PACRGL: variants seen among roughly 807,000 people sequenced by gnomAD.
PACRGL encodes parkin coregulated like, also known as PACRG-like protein.
In PACRGL, 38 loss-of-function variants were observed where a neutral mutation model predicts 34.5. That is an observed-to-expected ratio of 1.10 (90% CI 0.85 to 1.44). PACRGL has a LOEUF of 1.44. Among genes scored for constraint, PACRGL ranks in the 40% most tolerant of loss-of-function variants. PACRGL has a pLI of 0.00. For missense variants in PACRGL, 305 were observed against 281.4 expected (o/e 1.08, Z -0.60); for synonymous variants, 128 against 100.1 (o/e 1.28, Z -1.66).
rs1737946321 is a variant in PACRGL, at chr4:20,712,814, C to T, written c.393C>T (p.Tyr131=). 6.3e-7 allele frequency: 1 copy of T among 1,590,430 alleles called. No individual in the cohort carries two copies. The highest frequency in any genetic ancestry group is 1.2e-5 in the South Asian group (1 of 86,492). Reference sequence around the variant, plus strand: ...GTCTGAGAGAGACTAAGCATCCATACACTTTTGTGTCAAAGGAGGGTTTTA... The same window carrying T: ...GTCTGAGAGAGACTAAGCATCCATATACTTTTGTGTCAAAGGAGGGTTTTA... ...AEGLRETKHP[Y]TFVSKEGFRE... The change falls in exon 6 of 9, where the codon TAC becomes TAT. Residue 131 remains tyrosine (Y), a synonymous_variant. Coordinates refer to ENST00000503585, the MANE Select transcript of PACRGL (RefSeq NM_001258345.3).
downstream of PACRGL, among the ~76,000 whole-genome samples, chr4:20,756,663 G>A (rs529381464): frequency 6.6e-6 from 1 of 151,986 alleles, no homozygotes; most frequent in Admixed American, 6.6e-5. Context: ...CTCCCTAGTA[G>A]TTCATCCAGG....
chr4:20,706,602 A>G (rs1301011505), intron 3 of PACRGL, among the ~76,000 whole-genome samples: 4 of 151,286 alleles, frequency 2.6e-5, no homozygotes, highest in Non-Finnish European at 1.5e-5. Context: ...TTTGAGACGG[A>G]ATCTCGCTCC....
At chr4:20,739,513 G>A (rs905395769) in intron 8 of PACRGL, among the ~76,000 whole-genome samples, 8 of 152,176 alleles carry the variant, frequency 5.3e-5, no homozygotes, top group African/African-American at 1.7e-4. Context: ...CTGACTGTTA[G>A]AAGGAAAACT....
chr4:20,744,367 C>T (rs904224269), intron 8 of PACRGL, among the ~76,000 whole-genome samples: 2 of 152,098 alleles, frequency 1.3e-5, no homozygotes, highest in African/African-American at 4.8e-5. Context: ...CCCAAATGTC[C>T]ATCAATGATA....
At chr4:20,701,810 C>G (rs1229562121) in intron 1 of PACRGL, 1 of 456,374 alleles carries the variant, frequency 2.2e-6, no homozygotes, top group Non-Finnish European at 4.4e-6. Context: ...GTCTGCTCTC[C>G]GTATCCGTGG....
At chr4:20,707,587 C>T (rs1735091457) in intron 3 of PACRGL, among the ~76,000 whole-genome samples, 3 of 149,496 alleles carry the variant, frequency 2.0e-5, no homozygotes, top group Non-Finnish European at 3.0e-5. Flanking sequence ...TGGTTTCAGC[C>T]GCGTTCAAGC....
intron 8 of PACRGL, among the ~76,000 whole-genome samples, chr4:20,744,479 A>T (rs1751954115): frequency 6.6e-6 from 1 of 151,692 alleles, no homozygotes; most frequent in Admixed American, 6.6e-5. Context: ...GACATGGATG[A>T]AGCTGGAAAC....
Position 20,707,796 on chromosome 4 carries a change from A to G in PACRGL, c.208-7A>G. 2 of 1,612,108 alleles carry G rather than the reference A, an allele frequency of 1.2e-6. No individual in the cohort carries two copies. The highest frequency in any genetic ancestry group is 1.7e-6 in the Non-Finnish European group (2 of 1,178,346). ...GGTGATAGTAATATTTTCATTTTTT[A>G]TTTTAGTTTGGTGAACAGTCACGAG... On this transcript the variant is annotated splice_region_variant and splice_polypyrimidine_tract_variant and intron_variant, in intron 3 of 8. Transcript: ENST00000503585.
At chr4:20,696,327 G>C (rs1438414244), upstream of PACRGL, 1 of 152,132 alleles carries the variant, frequency 6.6e-6, no homozygotes, top group Non-Finnish European at 1.5e-5. Flanking sequence ...TAGTTAAGAG[G>C]AGATTGGAAT....
chr4:20,747,709 C>T (rs930665916), intron 8 of PACRGL, among the ~76,000 whole-genome samples: 2 of 152,054 alleles, frequency 1.3e-5, no homozygotes, highest in Non-Finnish European at 2.9e-5. Context: ...TGGGAGATGA[C>T]CTTTTGGGAT....
At chr4:20,765,798 C>CAT in the PACRGL span, among the ~76,000 whole-genome samples, 1 of 152,084 alleles carries the variant, frequency 6.6e-6, no homozygotes, top group South Asian at 2.1e-4. Context: ...ATATAACTGC[C>CAT]ATAGATTTGT....
At chr4:20,700,360 G>C (rs905226458), upstream of PACRGL, 1 of 152,186 alleles carries the variant, frequency 6.6e-6, no homozygotes, top group Admixed American at 6.5e-5. Context: ...CTTCTGGGGC[G>C]CCTCCGCGAC....
rs775011331 is a variant in PACRGL at position 20,709,683 on chromosome 4, A to T, written c.276A>T (p.Arg92Ser). ...AIYSKGGIPC[R>S]LVHGSVKHRL... ...GCATTCACTAACTTTTATATTTTAG[A>T]TTGGTACATGGTTCAGTAAAACACA... is the stretch of plus-strand genomic sequence containing the variant. Residue 92 changes from arginine (R) to serine (S), a missense_variant and splice_region_variant, in exon 5 of 9, where the codon AGA becomes AGT. Coordinates refer to ENST00000503585, the MANE Select transcript of PACRGL (RefSeq NM_001258345.3). The T allele has an allele frequency of 1.9e-6, 3 of 1,570,452 alleles. No individual in the cohort carries two copies. The South Asian group carries it at 3.5e-5, about 18-fold the overall frequency.
At chr4:20,745,805 C>A (rs1347142480) in intron 8 of PACRGL, among the ~76,000 whole-genome samples, 4 of 152,100 alleles carry the variant, frequency 2.6e-5, no homozygotes, top group African/African-American at 9.7e-5. Flanking sequence ...CCTCCTGACT[C>A]CCCTGACTCC....
downstream of PACRGL, among the ~76,000 whole-genome samples, chr4:20,733,506 T>G (rs1276746930): frequency 1.3e-5 from 2 of 152,168 alleles, no homozygotes; most frequent in African/African-American, 4.8e-5. Context: ...ATATATTTAC[T>G]TTTAAGAGTA....
At chr4:20,718,436 C>T (rs1741236166) in intron 7 of PACRGL, among the ~76,000 whole-genome samples, 2 of 152,064 alleles carry the variant, frequency 1.3e-5, no homozygotes, top group Non-Finnish European at 2.9e-5. Context: ...CTTCCAGTTT[C>T]TACCCATTCA....
chr4:20,712,614 T>G (rs1458903939), intron 5 of PACRGL, 174 bp from the exon 6 acceptor site: 2 of 588,716 alleles, frequency 3.4e-6, no homozygotes, highest in African/African-American at 3.8e-5. Flanking sequence ...CAAGGGACCC[T>G]TTGTCCCACA....
the PACRGL span, among the ~76,000 whole-genome samples, chr4:20,764,198 T>G: frequency 6.6e-6 from 1 of 152,088 alleles, no homozygotes; most frequent in Non-Finnish European, 1.5e-5. Context: ...AGAAAAAAAT[T>G]AAAGAAAATG....
chr4:20,749,575 A>G (rs1753205598), intron 8 of PACRGL: 3 of 934,450 alleles, frequency 3.2e-6, no homozygotes, highest in Admixed American at 2.2e-5. Flanking sequence ...CCCCTGAGCA[A>G]AAATAATCAT....
Sources: allele counts gnomAD v4.1 joint callset (sites outside exome capture counted in the v4.1 genomes callset), GRCh38; gene constraint gnomAD v4.1.1; transcripts MANE v1.5; gene names NCBI Gene and HGNC (gene_info 2026-07-23, HGNC 2026-07-21).